The following ATP6V1H variants were observed in gnomAD, a reference collection of about 807,000 sequenced individuals.
ATP6V1H encodes the protein ATPase H+ transporting V1 subunit H.
In ATP6V1H, 39 loss-of-function variants were observed where a neutral mutation model predicts 71.7. The observed-to-expected ratio is 0.54, with a 90% confidence interval of 0.42 to 0.71. The LOEUF (loss-of-function observed/expected upper bound fraction) is 0.71, where lower values mean the gene tolerates loss of function less well. Among genes scored for constraint, ATP6V1H ranks in the 30% least tolerant of loss-of-function variants. The pLI, the probability that ATP6V1H is intolerant of heterozygous loss-of-function variation, is 0.00. For synonymous variants in ATP6V1H, 192 were observed against 199.3 expected (o/e 0.96, Z 0.31); for missense variants, 509 against 594.9 (o/e 0.86, Z 1.50).
intron 1 of ATP6V1H, chr8:53,842,796 C>T (rs1356319811): frequency 1.3e-5 from 2 of 152,298 alleles, no homozygotes; most frequent in Admixed American, 1.3e-4. Context: ...TTTTACCCCT[C>T]CCCCTCCACT....
intron 9 of ATP6V1H, among the ~76,000 whole-genome samples, chr8:53,782,265 T>A (rs1195475080): frequency 6.6e-6 from 1 of 152,052 alleles, no homozygotes; most frequent in African/African-American, 2.4e-5. Flanking sequence ...ACATCCCTTG[T>A]AAGTTAGATT....
chr8:53,718,758 G>A (rs1260794435), intron 13 of ATP6V1H, among the ~76,000 whole-genome samples: 2 of 152,260 alleles, frequency 1.3e-5, no homozygotes, highest in African/African-American at 2.4e-5. Flanking sequence ...ACCTAAGTAC[G>A]TGACACATAG....
At chr8:53,810,859 A>G (rs1373411601) in intron 7 of ATP6V1H, among the ~76,000 whole-genome samples, 2 of 152,186 alleles carry the variant, frequency 1.3e-5, no homozygotes, top group African/African-American at 4.8e-5. Context: ...TTAAAGAGAA[A>G]ACTTTATGAT....
intron 4 of ATP6V1H, among the ~76,000 whole-genome samples, chr8:53,824,365 C>T (rs1212720837): frequency 6.6e-6 from 1 of 152,022 alleles, no homozygotes; most frequent in Non-Finnish European, 1.5e-5. Context: ...CCTCCAAATC[C>T]TTTTTATCAA....
intron 7 of ATP6V1H, among the ~76,000 whole-genome samples, chr8:53,806,310 T>C (rs1810077347): frequency 6.6e-6 from 1 of 152,148 alleles, no homozygotes; most frequent in African/African-American, 2.4e-5. Flanking sequence ...CACTAAACAA[T>C]TGTAAAATAT....
intron 2 of ATP6V1H, among the ~76,000 whole-genome samples, chr8:53,836,319 C>A (rs1235534108): frequency 6.6e-6 from 1 of 152,192 alleles, no homozygotes; most frequent in Admixed American, 6.5e-5. Context: ...AGAAGGTATA[C>A]CATGAAGGCT....
chr8:53,716,706 T>C (rs1806437615), intron 13 of ATP6V1H, among the ~76,000 whole-genome samples: 2 of 152,140 alleles, frequency 1.3e-5, no homozygotes, highest in Admixed American at 6.5e-5. Flanking sequence ...TGGTCCCCAA[T>C]CCTTTTAGAG....
chr8:53,822,533 GAACA>G (rs756591710), intron 4 of ATP6V1H, among the ~76,000 whole-genome samples: 29 of 152,066 alleles, frequency 1.9e-4, no homozygotes, highest in Non-Finnish European at 3.8e-4. Flanking sequence ...ATAACCAACA[GAACA>G]GACAGAAAAC....
At chr8:53,839,484 G>C (rs1811276261) in intron 2 of ATP6V1H, 1 of 521,770 alleles carries the variant, frequency 1.9e-6, no homozygotes, top group African/African-American at 2.1e-5. Context: ...GAATCCAGAA[G>C]TCATCCAAGA....
intron 13 of ATP6V1H, among the ~76,000 whole-genome samples, chr8:53,724,452 T>G (rs2130095266): frequency 1.3e-5 from 2 of 152,104 alleles, no homozygotes; most frequent in Admixed American, 1.3e-4. Context: ...AGAGGAAAGA[T>G]TTCATTTCCC....
At chr8:53,839,666 A>G (rs1811282976) in intron 2 of ATP6V1H, 6 of 985,442 alleles carry the variant, frequency 6.1e-6, no homozygotes, top group Non-Finnish European at 7.2e-6. Flanking sequence ...AGAGGCAGAT[A>G]TGGTCTTCTA....
chr8:53,807,189 G>T (rs985559711), intron 7 of ATP6V1H, among the ~76,000 whole-genome samples: 1 of 152,120 alleles, frequency 6.6e-6, no homozygotes, highest in Non-Finnish European at 1.5e-5. Flanking sequence ...TTCTGAAGGG[G>T]TGACAAGTAT....
At chr8:53,814,051 T>C (rs769704835) in intron 6 of ATP6V1H, among the ~76,000 whole-genome samples, 2 of 152,190 alleles carry the variant, frequency 1.3e-5, no homozygotes, top group Non-Finnish European at 2.9e-5. Flanking sequence ...ATCTAGAACA[T>C]GCTGTTTGCA....
At chr8:53,817,221 C>G (rs543871627) in intron 5 of ATP6V1H, among the ~76,000 whole-genome samples, 196 bp downstream of exon 5, 6 of 150,084 alleles carry the variant, frequency 4.0e-5, no homozygotes, top group African/African-American at 1.5e-4. Context: ...AAATAAAAAC[C>G]TTTCTTCTTT....
chr8:53,789,224 T>C (rs909128984), intron 9 of ATP6V1H, among the ~76,000 whole-genome samples: 5 of 152,212 alleles, frequency 3.3e-5, no homozygotes, highest in African/African-American at 1.2e-4. Context: ...ATAACCTTTT[T>C]ATTTTACCTA....
At chr8:53,818,165 T>C (rs1263726175) in intron 4 of ATP6V1H, among the ~76,000 whole-genome samples, 2 of 152,230 alleles carry the variant, frequency 1.3e-5, no homozygotes, top group African/African-American at 4.8e-5. Context: ...TGATTCATTA[T>C]GTGAATATAG....
At position 53,806,743 on chromosome 8, in the gene ATP6V1H, A is replaced by G. The variant is rs571840131; in HGVS notation, c.579+4421T>C. 9.5e-4 allele frequency: 399 copies of G among 419,798 alleles called. 2 individuals are homozygous for G. The highest frequency in any genetic ancestry group is 7.7e-3 in the African/African-American group (377 of 48,708). The allele number at this position is 419,798 out of a possible 1,614,324, so 26.0% of individuals were successfully genotyped here. ...AAGTCTTAAATTTAAATACTTTACC[A>G]GTTAATTTTCTTTTGCATTTCAGAA... On this transcript the variant is annotated intron_variant, in intron 7 of 13. Coordinates refer to ENST00000359530, the MANE Select transcript of ATP6V1H (RefSeq NM_015941.4).
At chr8:53,820,560 A>G (rs1223350122) in intron 4 of ATP6V1H, among the ~76,000 whole-genome samples, 1 of 151,894 alleles carries the variant, frequency 6.6e-6, no homozygotes, top group Admixed American at 6.6e-5. Flanking sequence ...CCAGCTACTC[A>G]AGATGCTGAG....
intron 11 of ATP6V1H, among the ~76,000 whole-genome samples, chr8:53,762,773 T>A (rs936580305): frequency 6.6e-6 from 1 of 152,146 alleles, no homozygotes; most frequent in African/African-American, 2.4e-5. Context: ...GATGACATAA[T>A]CTTGTACAGT....
Sources: gnomAD v4.1 joint callset for allele counts (sites outside exome capture counted in the v4.1 genomes callset) on GRCh38, gnomAD v4.1.1 for gene constraint, MANE v1.5 for transcripts, NCBI Gene and HGNC (gene_info 2026-07-23, HGNC 2026-07-21) for gene names.